The following XYLB variants were observed in gnomAD, a reference collection of about 807,000 sequenced individuals.
XYLB encodes xylulose kinase.
A neutral mutation model predicts 78.7 loss-of-function variants in XYLB; 62 were observed. The observed-to-expected ratio is 0.79, with a 90% CI of 0.64 to 0.97. The LOEUF is 0.97. XYLB is among the 50% of genes least tolerant of loss of function. The pLI, the probability that XYLB is intolerant of heterozygous loss-of-function variation, is 0.00. For missense variants in XYLB, 687 were observed against 676.8 expected (o/e 1.02, Z -0.17); for synonymous variants, 245 against 247.4 (o/e 0.99, Z 0.09).
At chr3:38,424,760 T>C (rs183615914), downstream of XYLB, among the ~76,000 whole-genome samples, 1,060 of 152,348 alleles carry the variant, frequency 7.0e-3, 8 homozygotes, top group African/African-American at 0.025. Context: ...AGTTACAATT[T>C]CATGCAGATA....
chr3:38,369,200 A>G (rs1706416028), intron 8 of XYLB, among the ~76,000 whole-genome samples: 1 of 152,092 alleles, frequency 6.6e-6, no homozygotes, highest in Non-Finnish European at 1.5e-5. Flanking sequence ...TTCAGGAGAG[A>G]GAGTGACTAA....
downstream of XYLB, among the ~76,000 whole-genome samples, chr3:38,419,103 T>C (rs1708892159): frequency 6.6e-6 from 1 of 152,238 alleles, no homozygotes; most frequent in African/African-American, 2.4e-5. Context: ...TCTATGGATT[T>C]GCCTATTCTA....
chr3:38,415,155 TG>T, downstream of XYLB, among the ~76,000 whole-genome samples: 1 of 152,200 alleles, frequency 6.6e-6, no homozygotes, highest in South Asian at 2.1e-4. Flanking sequence ...AAGACCTGGT[TG>T]GCCTCAAACT....
chr3:38,384,629 T>C (rs577757154), intron 15 of XYLB, among the ~76,000 whole-genome samples: 33 of 152,318 alleles, frequency 2.2e-4, no homozygotes, highest in South Asian at 6.2e-4. Flanking sequence ...AAAAGATTCA[T>C]GCAAAACAGA....
chr3:38,401,710 C>A (rs1259621082), intron 18 of XYLB, among the ~76,000 whole-genome samples: 1 of 152,140 alleles, frequency 6.6e-6, no homozygotes, highest in African/African-American at 2.4e-5. Flanking sequence ...CTCTTTATAG[C>A]TAAAGCAGTC....
At chr3:38,427,915 T>C in the XYLB span, among the ~76,000 whole-genome samples, 1 of 152,190 alleles carries the variant, frequency 6.6e-6, no homozygotes, top group South Asian at 2.1e-4. Context: ...CTTTTCAAGG[T>C]GGAAATCTAC....
At chr3:38,410,225 T>C (rs1315647142) in intron 18 of XYLB, among the ~76,000 whole-genome samples, 1 of 152,098 alleles carries the variant, frequency 6.6e-6, no homozygotes, top group African/African-American at 2.4e-5. Context: ...TCAGAAATAA[T>C]GCTGCATATC....
downstream of XYLB, among the ~76,000 whole-genome samples, chr3:38,421,901 A>T (rs1708990737): frequency 6.6e-6 from 1 of 152,176 alleles, no homozygotes; most frequent in Non-Finnish European, 1.5e-5. Flanking sequence ...CCAGTGACTG[A>T]GCAGTGCCTC....
downstream of XYLB, among the ~76,000 whole-genome samples, chr3:38,418,533 G>A (rs1352725034): frequency 1.3e-5 from 2 of 152,124 alleles, no homozygotes; most frequent in East Asian, 1.9e-4. Flanking sequence ...ATTGATAACA[G>A]CGAAGTACTT....
intron 2 of XYLB, among the ~76,000 whole-genome samples, chr3:38,350,911 G>A (rs1289266401): frequency 2.0e-5 from 3 of 151,972 alleles, no homozygotes; most frequent in Non-Finnish European, 4.4e-5. Flanking sequence ...GGAGGCTGAA[G>A]CAGGCAGAAC....
chr3:38,380,110 T>G (rs1032895015), intron 15 of XYLB, among the ~76,000 whole-genome samples: 7 of 152,138 alleles, frequency 4.6e-5, no homozygotes, highest in African/African-American at 1.7e-4. Flanking sequence ...ACCTGTTACT[T>G]TGTTAACCCA....
downstream of XYLB, chr3:38,421,387 C>G (rs1302972884): frequency 6.6e-6 from 1 of 152,240 alleles, no homozygotes; most frequent in Non-Finnish European, 1.5e-5. Context: ...AAGGGGAGCT[C>G]AGAAGCATCA....
At position 38,346,905 on chromosome 3, in the gene XYLB, T is replaced by G; in HGVS notation, c.37T>G (p.Trp13Gly). 6.6e-7 allele frequency: 1 copy of G among 1,517,272 alleles called. No individual in the cohort carries two copies. The highest frequency in any genetic ancestry group is 8.8e-7 in the Non-Finnish European group (1 of 1,135,176). The allele number at this position is 1,517,272 out of a possible 1,614,324, so 94.0% of individuals were successfully genotyped here. ...EHAPRRCCLG[W>G]DFSTQQVKVV... ...CGCCCCTCGCCGCTGCTGCCTGGGC[T>G]GGGACTTCAGCACGCAGCAGGTACA... Residue 13 changes from tryptophan (W) to glycine (G), a missense_variant, in exon 1 of 19, where the codon TGG (tryptophan) becomes GGG (glycine). Transcript: ENST00000207870.
At position 38,376,951 on chromosome 3, in the gene XYLB, A is replaced by G. The variant is rs1057085255; in HGVS notation, c.1154A>G (p.Glu385Gly). 1 of 1,613,936 alleles carries G rather than the reference A, an allele frequency of 6.2e-7. No individual in the cohort carries two copies. Among genetic ancestry groups the G allele is most frequent in the Admixed American group, 1.7e-5 (1 of 59,990 alleles). ...FYFDVMEITP[E>G]IIGRHRFNTE... ...TTTGATGTAATGGAGATCACCCCTG[A>G]AATTATTGGACGTCATAGGTTTAAC... The change falls in exon 14 of 19, where the codon GAA becomes GGA. Residue 385 changes from glutamate (E) to glycine (G), a missense_variant. Coordinates refer to ENST00000207870, the MANE Select transcript of XYLB (RefSeq NM_005108.4).
chr3:38,366,296 C>T lies in XYLB; in HGVS notation c.508-512C>T, dbSNP rs147925623. Among the ~76,000 whole-genome samples the T allele has an allele frequency of 8.0e-4, 122 of 151,986 alleles. No homozygotes were observed. In the South Asian group the frequency reaches 8.3e-3, roughly 10 times the overall value. Reference sequence around the variant, plus strand: ...CAATATGTGGGTGGGGAAAATACCCCGATCCCTCACCTGGTGGCTTGGTCA... The same window carrying T: ...CAATATGTGGGTGGGGAAAATACCCTGATCCCTCACCTGGTGGCTTGGTCA... On this transcript the variant is annotated intron_variant, in intron 6 of 18. Transcript: ENST00000207870.
chr3:38,366,656 C>T (rs896437838), intron 6 of XYLB, 152 bp from the exon 7 acceptor site: 19 of 582,852 alleles, frequency 3.3e-5, no homozygotes, highest in Middle Eastern at 4.1e-4. Flanking sequence ...GGATTACAAG[C>T]GCACACTACT....
intron 9 of XYLB, chr3:38,372,263 G>GT (rs755884180): frequency 4.1e-5 from 12 of 293,522 alleles, no homozygotes; most frequent in African/African-American, 4.6e-5. Context: ...GAGTGAGTGT[G>GT]TGAGGCATTA....
chr3:38,409,231 T>C (rs1708468786), intron 18 of XYLB, among the ~76,000 whole-genome samples: 1 of 152,174 alleles, frequency 6.6e-6, no homozygotes, highest in Non-Finnish European at 1.5e-5. Context: ...GCTGGTTCAA[T>C]ATATGCAAAT....
In XYLB at chr3:38,374,336, C is replaced by T. The variant is rs531723349; in HGVS notation, c.848-126C>T. 16 of 1,380,888 alleles carry T rather than the reference C, an allele frequency of 1.2e-5. No individual in the cohort carries two copies. The Admixed American group carries it at 2.9e-4, about 25-fold the overall frequency. The allele number at this position is 1,380,888 out of a possible 1,614,324, so 85.5% of individuals were successfully genotyped here. ...TGAGCGCTCAGCTCCCCTGCTCCTG[C>T]CTCCACCCTAGGGTGTGGGTGGGGG... On this transcript the variant is annotated intron_variant, in intron 10 of 18. Coordinates refer to ENST00000207870, the MANE Select transcript of XYLB (RefSeq NM_005108.4).
Sources: allele counts gnomAD v4.1 joint callset (sites outside exome capture counted in the v4.1 genomes callset), GRCh38; gene constraint gnomAD v4.1.1; transcripts MANE v1.5; gene names NCBI Gene and HGNC (gene_info 2026-07-23, HGNC 2026-07-21).